The following ARID1B variants were observed in gnomAD, a reference collection of about 807,000 sequenced individuals.
ARID1B encodes AT-rich interactive domain-containing protein 1B.
Under a neutral mutation model 212.3 loss-of-function variants are expected in ARID1B, and 30 were observed. The observed-to-expected ratio is 0.14, with a 90% CI of 0.11 to 0.19. The LOEUF is 0.19. ARID1B is among the 10% of genes least tolerant of loss of function. ARID1B has a pLI of 1.00. For synonymous variants in ARID1B, 1,402 were observed against 1,301.7 expected, an observed-to-expected ratio of 1.08 and a Z score of -1.66; for missense variants, 2,891 against 3,204.0, an observed-to-expected ratio of 0.90 and a Z score of 2.36.
intron 4 of ARID1B, among the ~76,000 whole-genome samples, chr6:156,973,926 T>C (rs1377849563): frequency 6.6e-6 from 1 of 152,246 alleles, no homozygotes; most frequent in Non-Finnish European, 1.5e-5. Flanking sequence ...AGAAGTTCTC[T>C]CTTTGTCTGA....
chr6:156,799,397 T>A (rs1780619782), intron 1 of ARID1B, among the ~76,000 whole-genome samples: 1 of 152,250 alleles, frequency 6.6e-6, no homozygotes, highest in Non-Finnish European at 1.5e-5. Flanking sequence ...TGAGTAGAGT[T>A]GGACAAGTGG....
chr6:157,058,048 G>A (rs184580338), intron 4 of ARID1B, among the ~76,000 whole-genome samples: 139 of 152,244 alleles, frequency 9.1e-4, no homozygotes, highest in Non-Finnish European at 1.5e-3. Context: ...TAGTACTTAA[G>A]GAAAGCAGTG....
At position 157,190,136 on chromosome 6, in the gene ARID1B, G is replaced by T. The variant is rs1793253373; in HGVS notation, c.4157G>T (p.Gly1386Val). 3 of 1,614,036 alleles carry T rather than the reference G, an allele frequency of 1.9e-6. No homozygotes were observed. Among genetic ancestry groups the T allele is most frequent in the Non-Finnish European group, 2.5e-6 (3 of 1,180,044 alleles). ...ACTCCAAACGCCCCCTACCAGCAGG[G>T]CATGAGCATGCCCGATGTGATGGGC... ...SMTPNAPYQQGMSMPDVMGRM... is the reference protein window; with the variant it reads ...SMTPNAPYQQVMSMPDVMGRM... The change falls in exon 15 of 20, where the codon GGC becomes GTC. Residue 1386 changes from glycine (G) to valine (V), a missense_variant. Gly to Val is a moderately radical substitution (Grantham distance 109, BLOSUM62 -3). Around this residue, in one of 7 missense-constraint regions of ARID1B, gnomAD observed 666 missense variants for 873.5 expected, o/e 0.76. Transcript: ENST00000636930. This position sits in a 1 kb window ranked among gnomAD's most constrained non-coding sequence, Gnocchi z 4.6.
chr6:156,795,965 C>T (rs1334047101), intron 1 of ARID1B, among the ~76,000 whole-genome samples: 1 of 151,978 alleles, frequency 6.6e-6, no homozygotes, highest in Non-Finnish European at 1.5e-5. Context: ...GGGGTTCCTG[C>T]GCGGTGGGAA....
At chr6:157,013,125 C>T (rs1339591137) in intron 4 of ARID1B, among the ~76,000 whole-genome samples, 1 of 152,192 alleles carries the variant, frequency 6.6e-6, no homozygotes. Context: ...GTGGTCCGCC[C>T]GCCTCGGCCT....
intron 4 of ARID1B, among the ~76,000 whole-genome samples, chr6:156,989,934 T>C (rs1023715311): frequency 6.6e-6 from 1 of 152,200 alleles, no homozygotes; most frequent in Non-Finnish European, 1.5e-5. Flanking sequence ...AGCTTATGGT[T>C]GATACCTTTG....
intron 4 of ARID1B, among the ~76,000 whole-genome samples, chr6:157,054,050 C>A (rs1439409991): frequency 6.6e-6 from 1 of 152,136 alleles, no homozygotes; most frequent in Non-Finnish European, 1.5e-5. Flanking sequence ...CATGGAGAAA[C>A]CCCGTCTCTA....
At chr6:156,844,748 T>A (rs1360076446) in intron 2 of ARID1B, among the ~76,000 whole-genome samples, 2 of 152,248 alleles carry the variant, frequency 1.3e-5, no homozygotes, top group African/African-American at 4.8e-5. Context: ...TTATAACTTT[T>A]GGTTAAATCA....
intron 4 of ARID1B, among the ~76,000 whole-genome samples, chr6:156,957,305 G>T (rs1332722562): frequency 3.3e-5 from 5 of 152,196 alleles, no homozygotes; most frequent in Non-Finnish European, 5.9e-5. Context: ...ATTGGAAACA[G>T]TTATCACAGA....
chr6:156,932,259 C>T (rs929161075), intron 3 of ARID1B, among the ~76,000 whole-genome samples: 5 of 151,882 alleles, frequency 3.3e-5, no homozygotes, highest in Non-Finnish European at 4.4e-5. Context: ...TCCCTTTAAC[C>T]TTTGACTCGT....
At chr6:157,163,714 G>T (rs1162309591) in intron 8 of ARID1B, among the ~76,000 whole-genome samples, 1 of 152,200 alleles carries the variant, frequency 6.6e-6, no homozygotes, top group Non-Finnish European at 1.5e-5. Context: ...GCTCCCTGAA[G>T]CCTGTATTCC....
chr6:157,137,052 A>G (rs1410920051), intron 7 of ARID1B, among the ~76,000 whole-genome samples: 1 of 152,096 alleles, frequency 6.6e-6, no homozygotes, highest in East Asian at 1.9e-4. Flanking sequence ...GTGATGGCAC[A>G]CACATGTAGT....
intron 4 of ARID1B, among the ~76,000 whole-genome samples, chr6:156,997,959 T>C (rs1369006316): frequency 6.6e-6 from 1 of 152,166 alleles, no homozygotes; most frequent in Non-Finnish European, 1.5e-5. Flanking sequence ...GAAGAATGGG[T>C]GCAAATAAAT....
intron 1 of ARID1B, among the ~76,000 whole-genome samples, chr6:156,802,402 A>G (rs1780853309): frequency 6.6e-6 from 1 of 152,196 alleles, no homozygotes; most frequent in African/African-American, 2.4e-5. Context: ...TACTTGGAAT[A>G]TTTTACCCTT....
chr6:156,776,151 T>C (rs1778612672), upstream of ARID1B, among the ~76,000 whole-genome samples: 1 of 152,248 alleles, frequency 6.6e-6, no homozygotes, highest in Non-Finnish European at 1.5e-5. Context: ...TGCCAGGTTT[T>C]AAATGCTTTC....
At chr6:156,975,837 A>G (rs1261022458) in intron 4 of ARID1B, among the ~76,000 whole-genome samples, 2 of 152,112 alleles carry the variant, frequency 1.3e-5, no homozygotes, top group Admixed American at 6.5e-5. Context: ...CTTTACGTGA[A>G]CAGTAAAGCT....
chr6:156,966,511 A>G (rs1794773058), intron 4 of ARID1B, among the ~76,000 whole-genome samples: 1 of 146,160 alleles, frequency 6.8e-6, no homozygotes, highest in Non-Finnish European at 1.5e-5. Flanking sequence ...CTCCTGCTTC[A>G]GCCACCCAAG....
intron 1 of ARID1B, among the ~76,000 whole-genome samples, chr6:156,791,205 A>C (rs1779985830): frequency 6.6e-6 from 1 of 152,246 alleles, no homozygotes; most frequent in Admixed American, 6.5e-5. Context: ...TTCTTGGTGC[A>C]TCCACAAATT....
At chr6:156,820,509 A>C (rs936477196) in intron 1 of ARID1B, among the ~76,000 whole-genome samples, 4 of 152,234 alleles carry the variant, frequency 2.6e-5, no homozygotes, top group African/African-American at 9.6e-5. Flanking sequence ...CTCTGCCTTC[A>C]ATTTGCTAAT....
Sources: gnomAD v4.1 joint callset for allele counts (sites outside exome capture counted in the v4.1 genomes callset) on GRCh38, gnomAD v4.1.1 for gene constraint, gnomAD v4.1.1 regional missense constraint, Gnocchi (gnomAD v3.1) non-coding constraint, MANE v1.5 for transcripts, NCBI Gene and HGNC (gene_info 2026-07-23, HGNC 2026-07-21) for gene names.